Variants in ARHGAP21 observed in about 807,000 individuals in gnomAD.
The protein encoded by ARHGAP21 is Rho GTPase activating protein 21.
A neutral mutation model predicts 164.6 loss-of-function variants in ARHGAP21; 38 were observed. The observed-to-expected ratio is 0.23, with a 90% confidence interval of 0.18 to 0.30. The LOEUF is 0.30. Ranked by LOEUF, ARHGAP21 falls within the 10% of genes least tolerant of loss-of-function variation. ARHGAP21 has a pLI of 1.00. For synonymous variants in ARHGAP21, 766 were observed against 857.9 expected, an observed-to-expected ratio of 0.89 and a Z score of 1.87; for missense variants, 1,822 against 2,370.7, an observed-to-expected ratio of 0.77 and a Z score of 4.81.
At position 24,583,658 on chromosome 10, in the gene ARHGAP21, C is replaced by T. The variant is rs908539517; in HGVS notation, c.*754G>A. 1.3e-5 allele frequency: 2 copies of T among 152,578 alleles called. No homozygotes were observed. Among genetic ancestry groups the T allele is most frequent in the African/African-American group, 4.8e-5 (2 of 41,434 alleles). 9.5% of individuals were successfully genotyped at this position (152,578 alleles called of 1,614,324 possible). A position where few individuals can be genotyped will look rare whatever the true frequency, so the allele number is the denominator to read the frequency against. On this transcript the variant is annotated 3_prime_UTR_variant, in exon 26 of 26. Coordinates refer to ENST00000396432, the MANE Select transcript of ARHGAP21 (RefSeq NM_020824.4). Reference sequence around the variant, plus strand: ...TTTCCAGTGTTTAATTGGGTATGCACACAGGCATGACACAGGTTTGGATTC... The same window carrying T: ...TTTCCAGTGTTTAATTGGGTATGCATACAGGCATGACACAGGTTTGGATTC...
intron 5 of ARHGAP21, among the ~76,000 whole-genome samples, chr10:24,634,730 C>A (rs1223535491): frequency 6.6e-6 from 1 of 152,174 alleles, no homozygotes; most frequent in Non-Finnish European, 1.5e-5. Flanking sequence ...AAATTCAATG[C>A]ATGCAAAATT....
intron 9 of ARHGAP21, among the ~76,000 whole-genome samples, chr10:24,613,950 G>A (rs1168635754): frequency 6.6e-6 from 1 of 152,190 alleles, no homozygotes; most frequent in Non-Finnish European, 1.5e-5. Context: ...CTTAAGATCT[G>A]GGGGTGAGGG....
At chr10:24,715,547 T>G (rs74796589) in intron 2 of ARHGAP21, among the ~76,000 whole-genome samples, 1 of 152,166 alleles carries the variant, frequency 6.6e-6, no homozygotes, top group African/African-American at 2.4e-5. Flanking sequence ...ACACATTGTC[T>G]TGGTTACTGT....
chr10:24,612,224 A>G (rs2077294770), intron 9 of ARHGAP21, among the ~76,000 whole-genome samples: 1 of 152,204 alleles, frequency 6.6e-6, no homozygotes. Context: ...GCTACGAAGT[A>G]GTATTCCTAA....
chr10:24,691,355 T>A (rs185897309), intron 2 of ARHGAP21, among the ~76,000 whole-genome samples: 1 of 152,208 alleles, frequency 6.6e-6, no homozygotes, highest in Non-Finnish European at 1.5e-5. Flanking sequence ...CATGGAGCAA[T>A]GAGGCTGTCA....
intron 17 of ARHGAP21, 57 bp from the exon 18 acceptor site, chr10:24,596,100 A>G (rs1426720502): frequency 4.2e-6 from 6 of 1,415,706 alleles, no homozygotes; most frequent in Admixed American, 4.9e-5. Flanking sequence ...TAGTAGTTGT[A>G]TATCACAGCT....
intron 9 of ARHGAP21, among the ~76,000 whole-genome samples, chr10:24,609,238 T>C (rs1213625108): frequency 6.6e-6 from 1 of 152,218 alleles, no homozygotes; most frequent in African/African-American, 2.4e-5. Context: ...GAAATTCAAA[T>C]TGTGCATGGA....
intron 14 of ARHGAP21, among the ~76,000 whole-genome samples, chr10:24,599,402 A>G (rs1201791964): frequency 1.3e-5 from 2 of 152,248 alleles, no homozygotes; most frequent in East Asian, 1.9e-4. Flanking sequence ...CATAGGTTGC[A>G]CTGATAAAGA....
chr10:24,603,781 T>G (rs1400472705), intron 12 of ARHGAP21, among the ~76,000 whole-genome samples: 1 of 152,074 alleles, frequency 6.6e-6, no homozygotes, highest in African/African-American at 2.4e-5. Flanking sequence ...GCAGATCACC[T>G]GAGGTCAGGA....
In ARHGAP21 at chr10:24,584,961, A is replaced by G. The variant is rs750139426; in HGVS notation, c.5328T>C (p.Pro1776=). The stretch of plus-strand genomic sequence containing the variant: ...TCCCTACTCCAAACATGTCATCCGC[A>G]GGGGCTCTGGGTCTCAGTTTTAACC... ...ADRLKLRPRA[P]ADDMFGVGNH... Residue 1776 remains proline, a synonymous_variant, in exon 26 of 26, where the codon CCT becomes CCC. Transcript: ENST00000396432. 1.7e-5 allele frequency: 27 copies of G among 1,613,772 alleles called. No individual in the cohort carries two copies. Among genetic ancestry groups the G allele is most frequent in the Non-Finnish European group, 2.0e-5 (24 of 1,179,862 alleles).
intron 4 of ARHGAP21, among the ~76,000 whole-genome samples, chr10:24,655,170 G>A (rs1190291882): frequency 6.6e-6 from 1 of 152,174 alleles, no homozygotes; most frequent in African/African-American, 2.4e-5. Flanking sequence ...AAAAATCCTA[G>A]AAGAAAACCT....
chr10:24,592,589 C>G (rs2076382151), intron 21 of ARHGAP21, among the ~76,000 whole-genome samples: 1 of 151,874 alleles, frequency 6.6e-6, no homozygotes, highest in African/African-American at 2.4e-5. Context: ...AGGTGGACTG[C>G]TTGAGCCCAG....
chr10:24,652,954 C>A (rs1465252827), intron 4 of ARHGAP21, among the ~76,000 whole-genome samples: 1 of 152,110 alleles, frequency 6.6e-6, no homozygotes, highest in African/African-American at 2.4e-5. Context: ...CAAAAGTACA[C>A]ATACAAGAAT....
At chr10:24,643,651 C>T (rs1183088371) in intron 4 of ARHGAP21, among the ~76,000 whole-genome samples, 1 of 152,178 alleles carries the variant, frequency 6.6e-6, no homozygotes, top group Non-Finnish European at 1.5e-5. Context: ...TCCCCTTAAC[C>T]TTTCAAAGCA....
In ARHGAP21 at chr10:24,583,859, TCA is replaced by T. The variant is rs1025161356; in HGVS notation, c.*551_*552del. 1 of 152,564 alleles carries T rather than the reference TCA, an allele frequency of 6.6e-6. No individual in the cohort carries two copies. Among genetic ancestry groups the T allele is most frequent in the African/African-American group, 2.4e-5 (1 of 41,414 alleles). 9.5% of individuals were successfully genotyped at this position (152,564 alleles called of 1,614,324 possible). A position where few individuals can be genotyped will look rare whatever the true frequency, so the allele number is the denominator to read the frequency against. On this transcript the variant is annotated 3_prime_UTR_variant, in exon 26 of 26. Coordinates refer to ENST00000396432, the MANE Select transcript of ARHGAP21 (RefSeq NM_020824.4). Reference sequence around the variant, plus strand: ...TTTACAGAAAGATTAAAAATTCAAGTCACACAAAACTCAAAAACTGTATTAAA... The same window carrying T: ...TTTACAGAAAGATTAAAAATTCAAGTCACAAAACTCAAAAACTGTATTAAA...
At chr10:24,676,776 TGG>T (rs1234680525) in intron 2 of ARHGAP21, among the ~76,000 whole-genome samples, 6 of 152,182 alleles carry the variant, frequency 3.9e-5, no homozygotes, top group Non-Finnish European at 7.3e-5. Context: ...TGCAGTATAG[TGG>T]ACAATTATTT....
At position 24,721,952 on chromosome 10, in the gene ARHGAP21, T is replaced by C; in HGVS notation, c.-53A>G. 4 of 1,581,596 alleles carry C rather than the reference T, an allele frequency of 2.5e-6. No individual in the cohort carries two copies. The highest frequency in any genetic ancestry group is 3.5e-6 in the Non-Finnish European group (4 of 1,153,964). On this transcript the variant is annotated 5_prime_UTR_variant, in exon 2 of 26. Coordinates refer to ENST00000396432, the MANE Select transcript of ARHGAP21 (RefSeq NM_020824.4). ...AATCCTTTGGAGTCCACATTGGACG[T>C]GGCGGGGAATGCCACCACACACCCG...
At chr10:24,666,953 T>C (rs748143233) in intron 4 of ARHGAP21, 32 bp downstream of exon 4, 2 of 1,418,066 alleles carry the variant, frequency 1.4e-6, no homozygotes. Context: ...TAGAAAAACA[T>C]TCAGAGATAA....
chr10:24,612,301 G>A (rs148034836), intron 9 of ARHGAP21, among the ~76,000 whole-genome samples: 5 of 152,142 alleles, frequency 3.3e-5, no homozygotes, highest in African/African-American at 1.2e-4. Context: ...CAATGACAGA[G>A]TAAACTATAT....
Sources: allele counts gnomAD v4.1 joint callset (sites outside exome capture counted in the v4.1 genomes callset), GRCh38; gene constraint gnomAD v4.1.1; transcripts MANE v1.5; gene names NCBI Gene and HGNC (gene_info 2026-07-23, HGNC 2026-07-21).